Variants in RXRG observed in about 807,000 individuals in gnomAD.
RXRG encodes retinoid X receptor gamma, also known as retinoic acid receptor RXR-gamma.
A neutral mutation model predicts 49.2 loss-of-function variants in RXRG; 19 were observed. The observed-to-expected ratio is 0.39, with a 90% CI of 0.27 to 0.57. The LOEUF (loss-of-function observed/expected upper bound fraction) is 0.57, where lower values mean the gene tolerates loss of function less well. Among genes scored for constraint, RXRG ranks in the 20% least tolerant of loss-of-function variants. The pLI, the probability that RXRG is intolerant of heterozygous loss-of-function variation, is 0.64. For synonymous variants in RXRG, 224 were observed against 216.6 expected, an observed-to-expected ratio of 1.03 and a Z score of -0.30; for missense variants, 452 against 592.5, an observed-to-expected ratio of 0.76 and a Z score of 2.46.
chr1:165,439,563 G>A (rs1184782113), intron 1 of RXRG, among the ~76,000 whole-genome samples: 1 of 152,220 alleles, frequency 6.6e-6, no homozygotes, highest in Non-Finnish European at 1.5e-5. Flanking sequence ...CCCACTGAGA[G>A]GCTGAGAGGC....
At chr1:165,402,178 G>A (rs1007748492) in intron 9 of RXRG, among the ~76,000 whole-genome samples, 4 of 151,712 alleles carry the variant, frequency 2.6e-5, no homozygotes, top group Admixed American at 6.6e-5. Context: ...TCTGCCTTCC[G>A]GGTTCAAGCA....
intron 2 of RXRG, among the ~76,000 whole-genome samples, chr1:165,420,733 A>G (rs188786832): frequency 6.6e-6 from 1 of 152,316 alleles, no homozygotes; most frequent in East Asian, 1.9e-4. Flanking sequence ...GAGGCTAAGT[A>G]TCTTGTGTTC....
chr1:165,429,507 A>G (rs157877), intron 1 of RXRG, among the ~76,000 whole-genome samples: 132,993 of 152,220 alleles, frequency 0.87, 58,180 homozygotes, highest in Admixed American at 0.92. Flanking sequence ...AGTCGCTGAC[A>G]TCAGGAGTCA....
intron 9 of RXRG, among the ~76,000 whole-genome samples, chr1:165,402,086 C>T (rs1204864900): frequency 1.4e-5 from 2 of 141,394 alleles, no homozygotes; most frequent in East Asian, 4.3e-4. Flanking sequence ...CCAATTGTTA[C>T]CAATTTTTTT....
intron 1 of RXRG, among the ~76,000 whole-genome samples, chr1:165,431,611 C>G (rs1658677385): frequency 6.6e-6 from 1 of 152,190 alleles, no homozygotes; most frequent in Admixed American, 6.5e-5. Flanking sequence ...CCAGACCACC[C>G]TGCAACTTTC....
intron 1 of RXRG, among the ~76,000 whole-genome samples, chr1:165,442,395 A>G (rs939405348): frequency 3.9e-5 from 6 of 152,262 alleles, no homozygotes; most frequent in African/African-American, 1.4e-4. Flanking sequence ...TCCCTCAAGA[A>G]TGACAAAGAA....
intron 8 of RXRG, among the ~76,000 whole-genome samples, chr1:165,407,772 T>C (rs558512080): frequency 6.6e-6 from 1 of 152,204 alleles, no homozygotes; most frequent in African/African-American, 2.4e-5. Context: ...CCACCCGCTG[T>C]CAGAACTTGC....
At chr1:165,438,148 G>C (rs1356777575) in intron 1 of RXRG, among the ~76,000 whole-genome samples, 2 of 152,168 alleles carry the variant, frequency 1.3e-5, no homozygotes, top group Non-Finnish European at 2.9e-5. Flanking sequence ...GATTGACTCA[G>C]CCCTGGCTCA....
intron 9 of RXRG, among the ~76,000 whole-genome samples, chr1:165,405,047 C>T (rs1009754261): frequency 3.3e-5 from 5 of 152,106 alleles, no homozygotes; most frequent in African/African-American, 7.2e-5. Flanking sequence ...ACATGAGCCA[C>T]CGCATATTTT....
chr1:165,413,645 C>A (rs1026709710), intron 4 of RXRG, among the ~76,000 whole-genome samples: 3 of 152,148 alleles, frequency 2.0e-5, no homozygotes, highest in African/African-American at 7.2e-5. Context: ...CAAAGGCAAT[C>A]CATTCACCAG....
At chr1:165,436,824 C>A in intron 1 of RXRG, 4 of 748,492 alleles carry the variant, frequency 5.3e-6, no homozygotes, top group East Asian at 1.1e-4. Context: ...GCTACTGTAA[C>A]CAGATGGGGA....
intron 1 of RXRG, among the ~76,000 whole-genome samples, chr1:165,439,831 G>T (rs775186464): frequency 6.6e-6 from 1 of 152,188 alleles, no homozygotes; most frequent in African/African-American, 2.4e-5. Flanking sequence ...CCATCTCAGG[G>T]TGATTGTGCA....
intron 2 of RXRG, among the ~76,000 whole-genome samples, chr1:165,425,724 G>A (rs1658464379): frequency 2.0e-5 from 3 of 152,268 alleles, no homozygotes; most frequent in Admixed American, 6.5e-5. Context: ...TCTGAGCACT[G>A]GGGTCAAGGA....
chr1:165,420,163 A>G (rs1017793889), intron 2 of RXRG, 149 bp from the exon 3 acceptor site: 8 of 576,462 alleles, frequency 1.4e-5, no homozygotes, highest in Admixed American at 4.1e-5. Context: ...CCTATCTGTG[A>G]GATGAACTTA....
Position 165,420,007 on chromosome 1 carries a change from A to G in RXRG, c.305T>C (p.Val102Ala), listed in dbSNP as rs756484578. 8 of 1,597,402 alleles carry G rather than the reference A, an allele frequency of 5.0e-6. No homozygotes were observed. The African/African-American group carries it at 5.4e-5, about 11-fold the overall frequency. The change falls in exon 3 of 10, where the codon GTG becomes GCG. Residue 102 changes from valine (V) to alanine (A), a missense_variant. Physicochemically the swap from Val to Ala is moderately conservative, Grantham distance 64 (BLOSUM62 0). This residue lies in a region of RXRG where 166 missense variants were observed against 151.7 expected (regional missense o/e 1.09). Coordinates refer to ENST00000359842, the MANE Select transcript of RXRG (RefSeq NM_006917.5). ...CTCTGAACTGCTGACACTGTTGACCACATTTAGCTGCAAGAGAAAAAAATA... is the reference window on the plus strand; with the variant it reads ...CTCTGAACTGCTGACACTGTTGACCGCATTTAGCTGCAAGAGAAAAAAATA... Reference protein sequence around the residue: ...LVAPPSSQLNVVNSVSSSEDI... With the variant: ...LVAPPSSQLNAVNSVSSSEDI...
At chr1:165,407,939 T>C (rs1657809549) in intron 8 of RXRG, among the ~76,000 whole-genome samples, 1 of 152,124 alleles carries the variant, frequency 6.6e-6, no homozygotes, top group Admixed American at 6.5e-5. Context: ...TCACAGTGGC[T>C]TTATCTAGAA....
rs950791154 is a variant in RXRG, at chr1:165,437,161, C to T, written c.49+7684G>A. 5.1e-6 allele frequency: 7 copies of T among 1,367,526 alleles called. No individual in the cohort carries two copies. In the East Asian group the frequency reaches 2.3e-4, roughly 44 times the overall value. The allele number at this position is 1,367,526 out of a possible 1,614,324, so 84.7% of individuals were successfully genotyped here. A position where few individuals can be genotyped will look rare whatever the true frequency, so the allele number is the denominator to read the frequency against. ...ACAGTATCTGTTTTCACAGCCCTAG[C>T]GATGTGGAGAGCAGAAGTTGGAGAG... is the stretch of plus-strand genomic sequence containing the variant. On this transcript the variant is annotated intron_variant, in intron 1 of 9. Transcript: ENST00000359842.
At chr1:165,432,935 G>A (rs891167164) in intron 1 of RXRG, among the ~76,000 whole-genome samples, 1 of 152,154 alleles carries the variant, frequency 6.6e-6, no homozygotes, top group Non-Finnish European at 1.5e-5. Context: ...ATTTGTGTTG[G>A]AATTTAAACC....
chr1:165,402,990 C>T (rs1657634196), intron 9 of RXRG, among the ~76,000 whole-genome samples: 1 of 152,090 alleles, frequency 6.6e-6, no homozygotes, highest in Admixed American at 6.5e-5. Context: ...TGCAGACACA[C>T]TCCACACTCA....
Sources: gnomAD v4.1 joint callset for allele counts (sites outside exome capture counted in the v4.1 genomes callset) on GRCh38, gnomAD v4.1.1 for gene constraint, gnomAD v4.1.1 regional missense constraint, MANE v1.5 for transcripts, NCBI Gene and HGNC (gene_info 2026-07-23, HGNC 2026-07-21) for gene names.